Variants in PIN4 observed in about 807,000 individuals in gnomAD.
PIN4 encodes the protein peptidyl-prolyl cis-trans isomerase NIMA-interacting 4.
A neutral mutation model predicts 8.3 loss-of-function variants in PIN4; 3 were observed. The observed-to-expected ratio is 0.36, with a 90% CI of 0.16 to 0.93. The LOEUF (loss-of-function observed/expected upper bound fraction) is 0.93. PIN4 is among the 40% of genes least tolerant of loss of function. PIN4 has a pLI of 0.44. For synonymous variants in PIN4, 18 were observed against 32.5 expected, an observed-to-expected ratio of 0.55 and a Z score of 1.52; for missense variants, 75 against 100.6, an observed-to-expected ratio of 0.75 and a Z score of 1.09.
At chrX:72,237,928 T>A (rs2043026989) in intron 3 of PIN4, 1 of 111,283 alleles carries the variant, frequency 9.0e-6, no homozygotes, top group African/African-American at 3.3e-5. Context: ...TGAATTCCAG[T>A]CTGGGCGACA....
chrX:72,254,334 C>A (rs143282565), intron 3 of PIN4, among the ~76,000 whole-genome samples: 1,413 of 111,706 alleles, frequency 0.013, 14 homozygotes, highest in Non-Finnish European at 0.022. Flanking sequence ...GCCATCTCTC[C>A]TGAGACCTTC....
intron 2 of PIN4, among the ~76,000 whole-genome samples, chrX:72,195,381 A>G (rs191614668): frequency 3.7e-4 from 41 of 111,688 alleles, no homozygotes; most frequent in African/African-American, 1.3e-3. Context: ...GTGTGCTGAC[A>G]CCTGTAATCC....
intron 2 of PIN4, among the ~76,000 whole-genome samples, chrX:72,192,872 A>G (rs1031907596): frequency 8.9e-6 from 1 of 111,901 alleles, no homozygotes; most frequent in Non-Finnish European, 1.9e-5. Flanking sequence ...TGCTGGGGTT[A>G]TAGGTGTGAG....
chrX:72,205,331 G>T, intron 3 of PIN4: 2 of 1,211,991 alleles, frequency 1.7e-6, no homozygotes, highest in Non-Finnish European at 2.2e-6. Flanking sequence ...TCTCCGGAAG[G>T]ATCCTCTTCT....
chrX:72,234,146 A>G (rs2043003102), intron 3 of PIN4, among the ~76,000 whole-genome samples: 1 of 112,090 alleles, frequency 8.9e-6, no homozygotes, highest in Non-Finnish European at 1.9e-5. Flanking sequence ...TAAGGAATAT[A>G]TACTTAAGTA....
chrX:72,191,408 G>A (rs962028782), intron 2 of PIN4, among the ~76,000 whole-genome samples: 2 of 110,619 alleles, frequency 1.8e-5, no homozygotes, highest in African/African-American at 6.6e-5. Flanking sequence ...AAAATTAGTT[G>A]GGCATGGTGG....
At chrX:72,208,622 C>G in intron 3 of PIN4, 1 of 1,211,218 alleles carries the variant, frequency 8.3e-7, no homozygotes, top group Non-Finnish European at 1.1e-6. Flanking sequence ...GGAAAAATGT[C>G]CTTTGCCAAA....
intron 3 of PIN4, among the ~76,000 whole-genome samples, chrX:72,255,237 T>C (rs1223636115): frequency 9.4e-6 from 1 of 106,264 alleles, no homozygotes; most frequent in Non-Finnish European, 1.9e-5. Flanking sequence ...GCCACTGAAC[T>C]CCAGCCTGGG....
intron 3 of PIN4, chrX:72,208,835 C>A (rs1438916502): frequency 4.0e-6 from 2 of 504,480 alleles, no homozygotes; most frequent in Non-Finnish European, 6.3e-6. Flanking sequence ...GATTAGCACA[C>A]AAGATGCCAA....
chrX:72,205,729 ACTT>A (rs774666888), intron 3 of PIN4: 106 of 1,210,315 alleles, frequency 8.8e-5, no homozygotes, highest in Non-Finnish European at 1.1e-4. Flanking sequence ...TTTAACTACT[ACTT>A]CTTCTGGTTC....
At chrX:72,191,345 A>G (rs5958770) in intron 2 of PIN4, among the ~76,000 whole-genome samples, 48,462 of 109,282 alleles carry the variant, frequency 0.44, 10,051 homozygotes, top group East Asian at 0.98. Context: ...GAGGTCAGGA[A>G]TTCGAGACCA....
At position 72,197,571 on chromosome X, in the gene PIN4, A is replaced by G; in HGVS notation, c.*45A>G. On this transcript the variant is annotated 3_prime_UTR_variant, in exon 4 of 4. Coordinates refer to ENST00000373669, the MANE Select transcript of PIN4 (RefSeq NM_006223.4). ...TAAGTTTTATACATTTTGTTTCTTT[A>G]AAAGGTATTACATATTCTTTTGAGC... The G allele has an allele frequency of 8.6e-7, 1 of 1,166,492 alleles. No individual in the cohort carries two copies. The highest frequency in any genetic ancestry group is 3.0e-5 in the East Asian group (1 of 33,285).
chrX:72,184,557 T>A (rs932151571), intron 1 of PIN4, among the ~76,000 whole-genome samples: 29 of 109,571 alleles, frequency 2.6e-4, no homozygotes, highest in African/African-American at 9.3e-4. Flanking sequence ...GATGCCAGAG[T>A]CGTCAGGAAA....
chrX:72,239,123 C>G (rs1045722126), intron 3 of PIN4: 3 of 401,389 alleles, frequency 7.5e-6, no homozygotes, highest in African/African-American at 2.5e-5. Context: ...TGAGCCCCGC[C>G]CATGACGGTG....
chrX:72,195,896 A>C (rs2042762412), intron 2 of PIN4, among the ~76,000 whole-genome samples: 1 of 110,792 alleles, frequency 9.0e-6, no homozygotes, highest in Non-Finnish European at 1.9e-5. Context: ...AGGCGGGCAG[A>C]TCACTTGAGG....
At chrX:72,198,941 C>T (rs899976874), downstream of PIN4, 3 of 111,057 alleles carry the variant, frequency 2.7e-5, no homozygotes, top group Admixed American at 9.6e-5. Flanking sequence ...GTGAACTGGC[C>T]CAGGTTGGAA....
At chrX:72,223,933 G>T (rs1194081888) in intron 3 of PIN4, among the ~76,000 whole-genome samples, 5 of 110,970 alleles carry the variant, frequency 4.5e-5, no homozygotes, top group African/African-American at 1.6e-4. Flanking sequence ...GGTCTTTGGG[G>T]ACACTGGAAA....
At position 72,236,770 on chromosome X, in the gene PIN4, G is replaced by A. The variant is rs138663970; in HGVS notation, c.313-25937G>A. Among the ~76,000 whole-genome samples, 46 of 111,814 alleles carry A rather than the reference G, an allele frequency of 4.1e-4. No homozygotes were observed. In the East Asian group the frequency reaches 8.7e-3, roughly 21 times the overall value. On this transcript the variant is annotated intron_variant, in intron 3 of 3. Transcript: ENST00000423432. ...CTGGTTCATTCAATATCATTTTGCTGCAACACTGATGAGAAAAAAATTGGT... is the reference window on the plus strand; with the variant it reads ...CTGGTTCATTCAATATCATTTTGCTACAACACTGATGAGAAAAAAATTGGT...
intron 3 of PIN4, among the ~76,000 whole-genome samples, chrX:72,225,824 T>C (rs1360757250): frequency 9.0e-6 from 1 of 111,239 alleles, no homozygotes; most frequent in Non-Finnish European, 1.9e-5. Context: ...ACAGTTCTCA[T>C]AATCAGGCCC....
Sources: gnomAD v4.1 joint callset for allele counts (sites outside exome capture counted in the v4.1 genomes callset) on GRCh38, gnomAD v4.1.1 for gene constraint, MANE v1.5 for transcripts, NCBI Gene and HGNC (gene_info 2026-07-23, HGNC 2026-07-21) for gene names.